LAMA5: variants seen among roughly 807,000 people sequenced by gnomAD.
LAMA5 encodes the protein laminin subunit alpha 5.
A neutral mutation model predicts 433.4 loss-of-function variants in LAMA5; 260 were observed. That is an observed-to-expected ratio of 0.60 (90% CI 0.54 to 0.66). LAMA5 has a LOEUF of 0.66. Ranked by LOEUF, LAMA5 falls within the 30% of genes least tolerant of loss-of-function variation. The probability of loss-of-function intolerance (pLI) is 0.00; values close to 1 mark genes in which losing one functional copy is unlikely to be tolerated. For missense variants in LAMA5, 5,378 were observed against 5,258.5 expected (o/e 1.02, Z -0.70); for synonymous variants, 2,620 against 2,226.6 (o/e 1.18, Z -4.97).
chr20:62,362,384 AAAG>A lies in LAMA5; in HGVS notation c.450+13_450+15del. 8 of 1,485,230 alleles carry A rather than the reference AAAG, an allele frequency of 5.4e-6. No individual in the cohort carries two copies. The highest frequency in any genetic ancestry group is 2.6e-5 in the East Asian group (1 of 39,086). 92.0% of individuals were successfully genotyped at this position (1,485,230 alleles called of 1,614,324 possible). A position where few individuals can be genotyped will look rare whatever the true frequency, so the allele number is the denominator to read the frequency against. On this transcript the variant is annotated intron_variant, in intron 2 of 79. Coordinates refer to ENST00000252999, the MANE Select transcript of LAMA5 (RefSeq NM_005560.6). Reference sequence around the variant, plus strand: ...CACAGAGATGGGGGCTGCAGCACGCAAAGAAGGGTCCCTACCTGGCCCAGGTCC... The same window carrying A: ...CACAGAGATGGGGGCTGCAGCACGCAAAGGGTCCCTACCTGGCCCAGGTCC...
At chr20:62,366,556 G>A (rs1419792271) in intron 1 of LAMA5, among the ~76,000 whole-genome samples, 1 of 152,224 alleles carries the variant, frequency 6.6e-6, no homozygotes, top group Non-Finnish European at 1.5e-5. Context: ...ACAGGTTCCA[G>A]CCTGTCCCGG....
chr20:62,350,415 G>C (rs1427664678), intron 6 of LAMA5, among the ~76,000 whole-genome samples: 1 of 152,040 alleles, frequency 6.6e-6, no homozygotes, highest in Admixed American at 6.5e-5. Context: ...CCTCCCCTCA[G>C]ACCCACCAGC....
rs1987083638 is a variant in LAMA5 at position 62,317,514 on chromosome 20, G to A, written c.7357-15C>T. ...CGCTCCAGCTCCTGGAATTTGAGTG[G>A]ACTTAGCCCCTCATCCTGCTCACAG... On this transcript the variant is annotated splice_polypyrimidine_tract_variant and intron_variant, in intron 54 of 79. Transcript: ENST00000252999. 1.3e-6 allele frequency: 2 copies of A among 1,537,270 alleles called. No individual in the cohort carries two copies.
intron 26 of LAMA5, among the ~76,000 whole-genome samples, 160 bp downstream of exon 26, chr20:62,332,930 G>GGAGGCAGGAGGCAGGAGGCAGGAGGCAA (rs1980760184): frequency 6.6e-6 from 1 of 152,088 alleles, no homozygotes; most frequent in Admixed American, 6.5e-5. Context: ...CACACATGCA[G>GGAGGCAGGAGGCAGGAGGCAGGAGGCAA]GAGGCAGGAG....
rs752240313 is a variant in LAMA5 at position 62,311,914 on chromosome 20, G to A, written c.9635+6C>T. The stretch of plus-strand genomic sequence containing the variant: ...TTCACGATGAGGGCCCAGCGGCCAG[G>A]CTCACCCCGTGGCATTGCTGTAGAA... On this transcript the variant is annotated splice_donor_region_variant and intron_variant, in intron 70 of 79. Transcript: ENST00000252999. 6 of 1,607,092 alleles carry A rather than the reference G, an allele frequency of 3.7e-6. No individual in the cohort carries two copies. Among genetic ancestry groups the A allele is most frequent in the Non-Finnish European group, 5.1e-6 (6 of 1,176,890 alleles).
In LAMA5 at chr20:62,329,448, A is replaced by G. The variant is rs944889; in HGVS notation, c.4120-195T>C. On this transcript the variant is annotated intron_variant, in intron 32 of 79. Transcript: ENST00000252999. ...AAGCCAAACAGCAGCTTTCGGGGGCATGAGGAGGCAGCAGCATTCATGAGA... is the reference window on the plus strand; with the variant it reads ...AAGCCAAACAGCAGCTTTCGGGGGCGTGAGGAGGCAGCAGCATTCATGAGA... Among the ~76,000 whole-genome samples, 86,098 of 152,074 alleles carry G rather than the reference A, an allele frequency of 0.57. 27,830 individuals are homozygous for G. Among genetic ancestry groups the G allele is most frequent in the Non-Finnish European group, 0.72 (48,655 of 67,970 alleles).
In LAMA5 at chr20:62,312,648, C is replaced by G; in HGVS notation, c.9211G>C (p.Asp3071His). ...AGTGCTTACCTCGGGGGCAGCTGGTCGGGCGGCACGCCCCCCAGGTAGTAG... is the reference window on the plus strand; with the variant it reads ...AGTGCTTACCTCGGGGGCAGCTGGTGGGGCGGCACGCCCCCCAGGTAGTAG... Reference protein sequence around the residue: ...DAYYLGGVPPDQLPPSLRRLF... With the variant: ...DAYYLGGVPPHQLPPSLRRLF... Residue 3071 changes from aspartate to histidine, a missense_variant, in exon 67 of 80, where the codon GAC becomes CAC. Physicochemically the swap from Asp to His is moderately conservative, Grantham distance 81 (BLOSUM62 -1). Transcript: ENST00000252999. The G allele has an allele frequency of 6.2e-7, 1 of 1,606,722 alleles. No homozygotes were observed. Among genetic ancestry groups the G allele is most frequent in the Non-Finnish European group, 8.5e-7 (1 of 1,177,680 alleles).
chr20:62,351,678 G>A (rs137980944), intron 6 of LAMA5, 26 bp downstream of exon 6: 17 of 1,589,774 alleles, frequency 1.1e-5, no homozygotes, highest in African/African-American at 5.6e-5. Flanking sequence ...TCACCTGAAC[G>A]GGGCCTCACC....
chr20:62,328,934 A>C lies in LAMA5; in HGVS notation c.4357T>G (p.Phe1453Val). The change falls in exon 34 of 80, where the codon TTC becomes GTC. Residue 1453 changes from phenylalanine to valine, a missense_variant. Physicochemically the swap from Phe to Val is conservative, Grantham distance 50 (BLOSUM62 -1). Transcript: ENST00000252999. ...VGATGPTCEP[F>V]GGQCPCHAHV... is the part of the protein sequence containing the mutation. ...GCATGGCAGGGACACTGGCCCCCGAAGGGCTCACACGTGGGGCCTGTAGCA... is the reference window on the plus strand; with the variant it reads ...GCATGGCAGGGACACTGGCCCCCGACGGGCTCACACGTGGGGCCTGTAGCA... 3 of 1,611,482 alleles carry C rather than the reference A, an allele frequency of 1.9e-6. No homozygotes were observed. Among genetic ancestry groups the C allele is most frequent in the Non-Finnish European group, 2.5e-6 (3 of 1,178,986 alleles).
In LAMA5 at chr20:62,316,791, G is replaced by T; in HGVS notation, c.7654-18C>A. Reference sequence around the variant, plus strand: ...ACCACCGTCTGTGGATGCCAGGGCAGACCGTGGCTCAGACACGCAGGCCGG... The same window carrying T: ...ACCACCGTCTGTGGATGCCAGGGCATACCGTGGCTCAGACACGCAGGCCGG... On this transcript the variant is annotated intron_variant, in intron 56 of 79. Transcript: ENST00000252999. 1 of 1,590,162 alleles carries T rather than the reference G, an allele frequency of 6.3e-7. No homozygotes were observed. Among genetic ancestry groups the T allele is most frequent in the South Asian group, 1.1e-5 (1 of 89,162 alleles).
intron 40 of LAMA5, 101 bp downstream of exon 40, chr20:62,326,576 C>G: frequency 1.0e-6 from 1 of 967,582 alleles, no homozygotes; most frequent in Non-Finnish European, 1.6e-6. Context: ...GGCTGTTTTC[C>G]ACCACGGAGA....
Position 62,309,372 on chromosome 20 carries a change from G to C in LAMA5, c.11052C>G (p.His3684Gln). 2 of 1,590,544 alleles carry C rather than the reference G, an allele frequency of 1.3e-6. No individual in the cohort carries two copies. Among genetic ancestry groups the C allele is most frequent in the Non-Finnish European group, 1.7e-6 (2 of 1,176,616 alleles). Residue 3684 changes from histidine (H) to glutamine (Q), a missense_variant, in exon 80 of 80, where the codon CAC becomes CAG. Transcript: ENST00000252999. The part of the protein sequence containing the change: ...PVAMTRSVEV[H>Q]GAVGASGCPA... ...GGCAGCCACTGGCCCCCACTGCCCC[G>C]TGGACCTCCACAGAGCGAGTCATGG...
At chr20:62,318,820 C>CT in intron 52 of LAMA5, 23 bp downstream of exon 52, 4 of 1,608,556 alleles carry the variant, frequency 2.5e-6, no homozygotes, top group Non-Finnish European at 3.4e-6. Context: ...CCCACCCCGC[C>CT]TGCCAGGGAC....
rs774846866 is a variant in LAMA5, at chr20:62,312,033, C to T, written c.9522G>A (p.Val3174=). 1 of 1,612,482 alleles carries T rather than the reference C, an allele frequency of 6.2e-7. No individual in the cohort carries two copies. The highest frequency in any genetic ancestry group is 1.1e-5 in the South Asian group (1 of 91,084). Residue 3174 remains valine (V), a synonymous_variant, in exon 70 of 80, where the codon GTG becomes GTA. Coordinates refer to ENST00000252999, the MANE Select transcript of LAMA5 (RefSeq NM_005560.6). ...YRASPDGLCQ[V]SLQQGRVSLQ... Reference sequence around the variant, plus strand: ...GGCTCACACGGCCCTGCTGCAGGGACACCTGGCATAGCCCATCCTGGGGAC... The same window carrying T: ...GGCTCACACGGCCCTGCTGCAGGGATACCTGGCATAGCCCATCCTGGGGAC...
Position 62,337,745 on chromosome 20 carries a change from TGTGGGCACGCA to T in LAMA5, c.2027-29_2027-19del, listed in dbSNP as rs1981920284. ...GTGGCAGGCTGCAGACAAGGATAGCTGTGGGCACGCAGTGGAGACTGCACCTGCCTCCCCAC... is the reference window on the plus strand; with the variant it reads ...GTGGCAGGCTGCAGACAAGGATAGCTGTGGAGACTGCACCTGCCTCCCCAC... On this transcript the variant is annotated intron_variant, in intron 15 of 79. Coordinates refer to ENST00000252999, the MANE Select transcript of LAMA5 (RefSeq NM_005560.6). 5.0e-6 allele frequency: 8 copies of T among 1,607,942 alleles called. No homozygotes were observed. Among genetic ancestry groups the T allele is most frequent in the Non-Finnish European group, 6.8e-6 (8 of 1,176,804 alleles).
In LAMA5 at chr20:62,325,402, C is replaced by A; in HGVS notation, c.5443G>T (p.Val1815Leu). 1 of 1,611,880 alleles carries A rather than the reference C, an allele frequency of 6.2e-7. No individual in the cohort carries two copies. The highest frequency in any genetic ancestry group is 1.1e-5 in the South Asian group (1 of 91,014). Residue 1815 changes from valine to leucine, a missense_variant, in exon 41 of 80, where the codon GTG becomes TTG. Physicochemically the swap from Val to Leu is conservative, Grantham distance 32. Transcript: ENST00000252999. ...GCCCCCTGGCCTGCTGGGCTGGCCA[C>A]CTCCAGTGCCACCCTGCGCAGGAAG... is the stretch of plus-strand genomic sequence containing the variant. ...AVFLRRVALE[V>L]ASPAGQGALA... is the part of the protein sequence containing the mutation.
rs1377278829 is a variant in LAMA5 at position 62,314,360 on chromosome 20, T to C, written c.8448A>G (p.Ala2816=). The C allele has an allele frequency of 6.2e-7, 1 of 1,613,242 alleles. No individual in the cohort carries two copies. The highest frequency in any genetic ancestry group is 8.5e-7 in the Non-Finnish European group (1 of 1,179,932). Reference sequence around the variant, plus strand: ...CAATGTCCTCATCGATGCTTAGGACTGCAGGGCCCGCCTCACCCAGCTGAT... The same window carrying C: ...CAATGTCCTCATCGATGCTTAGGACCGCAGGGCCCGCCTCACCCAGCTGAT... ...WVYQLGEAGP[A]VLSIDEDIGE... is the part of the protein sequence containing the mutation. The change falls in exon 62 of 80, where the codon GCA becomes GCG. Residue 2816 remains alanine (A), a synonymous_variant. Transcript: ENST00000252999.
Position 62,320,674 on chromosome 20 carries a change from G to A in LAMA5, c.6649-5C>T, listed in dbSNP as rs1357426659. 8 of 1,610,668 alleles carry A rather than the reference G, an allele frequency of 5.0e-6. No individual in the cohort carries two copies. Among genetic ancestry groups the A allele is most frequent in the African/African-American group, 2.7e-5 (2 of 74,876 alleles). ...CAGGGGGCTCCGGAGCTGGCTCTGT[G>A]GGAGGCGAAAGGTGAAGGCCTGCAC... On this transcript the variant is annotated splice_region_variant and splice_polypyrimidine_tract_variant and intron_variant, in intron 49 of 79. Coordinates refer to ENST00000252999, the MANE Select transcript of LAMA5 (RefSeq NM_005560.6).
At chr20:62,345,565 C>T (rs1983231474) in intron 11 of LAMA5, 3 of 633,456 alleles carry the variant, frequency 4.7e-6, no homozygotes, top group South Asian at 1.6e-5. Flanking sequence ...CATCACTACA[C>T]CCAGCTAATT....
Sources: allele counts gnomAD v4.1 joint callset (sites outside exome capture counted in the v4.1 genomes callset), GRCh38; gene constraint gnomAD v4.1.1; transcripts MANE v1.5; gene names NCBI Gene and HGNC (gene_info 2026-07-23, HGNC 2026-07-21).